The following FSTL5 variants were observed in gnomAD, a reference collection of about 807,000 sequenced individuals.
The protein encoded by FSTL5 is follistatin like 5.
FSTL5 carries 62 observed loss-of-function variants against 89.1 expected under a neutral mutation model. The observed-to-expected ratio is 0.70, with a 90% CI of 0.57 to 0.86. The LOEUF is 0.86. FSTL5 is among the 40% of genes least tolerant of loss of function. The probability of loss-of-function intolerance (pLI) is 0.00; values close to 1 mark genes in which losing one functional copy is unlikely to be tolerated. For synonymous variants in FSTL5, 383 were observed against 346.2 expected (o/e 1.11, Z -1.18); for missense variants, 1,057 against 1,001.6 (o/e 1.06, Z -0.75).
rs754612283 is a variant in FSTL5 at position 161,542,698 on chromosome 4, A to G, written c.1016-5T>C. 8.4e-6 allele frequency: 12 copies of G among 1,431,608 alleles called. No individual in the cohort carries two copies. Among genetic ancestry groups the G allele is most frequent in the Non-Finnish European group, 9.2e-6 (10 of 1,085,068 alleles). The allele number at this position is 1,431,608 out of a possible 1,614,324, so 88.7% of individuals were successfully genotyped here. On this transcript the variant is annotated splice_region_variant and splice_polypyrimidine_tract_variant and intron_variant, in intron 8 of 15. Coordinates refer to ENST00000306100, the MANE Select transcript of FSTL5 (RefSeq NM_020116.5). ...ACACCCGGATGACTGGAGGAACTAA[A>G]GGAAAAAATGAAAGAGAAAGTGAAT...
chr4:161,443,519 CA>C (rs1262621270), intron 15 of FSTL5, among the ~76,000 whole-genome samples: 1 of 151,822 alleles, frequency 6.6e-6, no homozygotes, highest in African/African-American at 2.4e-5. Flanking sequence ...AGCACTGTAG[CA>C]AAATAAGACA....
chr4:162,112,673 C>T (rs1173374747), intron 1 of FSTL5, among the ~76,000 whole-genome samples: 1 of 151,924 alleles, frequency 6.6e-6, no homozygotes, highest in Non-Finnish European at 1.5e-5. Context: ...ATATATACAT[C>T]ATTCCATCCA....
At chr4:161,863,407 T>C (rs1218091376) in intron 4 of FSTL5, among the ~76,000 whole-genome samples, 2 of 152,136 alleles carry the variant, frequency 1.3e-5, no homozygotes, top group Admixed American at 6.6e-5. Context: ...TTTATTCGGG[T>C]CATGGGGAAA....
At chr4:161,963,348 A>G (rs1330253810) in intron 3 of FSTL5, among the ~76,000 whole-genome samples, 1 of 151,930 alleles carries the variant, frequency 6.6e-6, no homozygotes, top group African/African-American at 2.4e-5. Context: ...GTTGGTTTTG[A>G]AGTTTTAAAA....
At chr4:161,828,700 A>C (rs1010196243) in intron 4 of FSTL5, among the ~76,000 whole-genome samples, 1 of 152,132 alleles carries the variant, frequency 6.6e-6, no homozygotes, top group African/African-American at 2.4e-5. Context: ...ACTTAGGCTA[A>C]GATTTAGTGA....
At chr4:161,783,657 T>TTC (rs1168213663) in intron 4 of FSTL5, among the ~76,000 whole-genome samples, 3 of 77,270 alleles carry the variant, frequency 3.9e-5, no homozygotes, top group Non-Finnish European at 5.5e-5. Flanking sequence ...CTCTCTTTCT[T>TTC]TCTTTCTCTT....
chr4:161,892,616 T>A lies in FSTL5; in HGVS notation c.409+27788A>T, dbSNP rs192967416. ...AGGTTTTCAAACTTGAAGAATCAAC[T>A]CCCAAACTAACTCAAAGTATTCCAT... is the stretch of plus-strand genomic sequence containing the variant. On this transcript the variant is annotated intron_variant, in intron 4 of 15. Coordinates refer to ENST00000306100, the MANE Select transcript of FSTL5 (RefSeq NM_020116.5). Among the ~76,000 whole-genome samples, 574 of 152,148 alleles carry A rather than the reference T, an allele frequency of 3.8e-3. 6 individuals are homozygous for A. Among genetic ancestry groups the A allele is most frequent in the Non-Finnish European group, 3.3e-3 (226 of 67,916 alleles).
intron 1 of FSTL5, among the ~76,000 whole-genome samples, chr4:162,116,941 G>A (rs1330268340): frequency 6.6e-6 from 1 of 152,106 alleles, no homozygotes; most frequent in African/African-American, 2.4e-5. Flanking sequence ...CAATTTTTCT[G>A]TATCTTTCTT....
At chr4:161,714,103 C>A (rs774107723) in intron 6 of FSTL5, among the ~76,000 whole-genome samples, 8 of 152,142 alleles carry the variant, frequency 5.3e-5, no homozygotes, top group Non-Finnish European at 8.8e-5. Flanking sequence ...TGGTCACTCA[C>A]ATTCTTACTT....
intron 8 of FSTL5, among the ~76,000 whole-genome samples, chr4:161,548,873 A>G (rs2126553446): frequency 6.6e-6 from 1 of 152,006 alleles, no homozygotes; most frequent in East Asian, 1.9e-4. Flanking sequence ...AATATATTAG[A>G]ACAAATGGTT....
At chr4:162,063,007 G>T (rs971745598) in intron 2 of FSTL5, among the ~76,000 whole-genome samples, 1 of 151,452 alleles carries the variant, frequency 6.6e-6, no homozygotes, top group Non-Finnish European at 1.5e-5. Context: ...ATTTTAAATT[G>T]TGCTTTTTTC....
intron 4 of FSTL5, among the ~76,000 whole-genome samples, chr4:161,842,967 A>G (rs547726253): frequency 5.5e-4 from 83 of 152,190 alleles, no homozygotes; most frequent in Non-Finnish European, 1.1e-3. Flanking sequence ...GCCCCACTAT[A>G]TTTTTTAACA....
intron 7 of FSTL5, among the ~76,000 whole-genome samples, chr4:161,655,802 T>C (rs958391749): frequency 1.8e-4 from 27 of 152,122 alleles, no homozygotes; most frequent in Non-Finnish European, 4.4e-5. Context: ...TAAACACATA[T>C]AAATATTATA....
rs183833280 is a variant in FSTL5, at chr4:162,026,603, T to G, written c.160+7022A>C. Reference sequence around the variant, plus strand: ...GATTATAGGCGTGAGCTTATATATATTTTTTTACAAACCTTCCACTAGAAA... The same window carrying G: ...GATTATAGGCGTGAGCTTATATATAGTTTTTTACAAACCTTCCACTAGAAA... On this transcript the variant is annotated intron_variant, in intron 3 of 15. Coordinates refer to ENST00000306100, the MANE Select transcript of FSTL5 (RefSeq NM_020116.5). 2.5e-3 allele frequency among the ~76,000 whole-genome samples: 375 copies of G among 152,132 alleles called. 1 individual carries two copies. The highest frequency in any genetic ancestry group is 8.6e-3 in the African/African-American group (359 of 41,538).
intron 6 of FSTL5, among the ~76,000 whole-genome samples, chr4:161,716,841 T>A (rs762076194): frequency 2.0e-5 from 3 of 152,068 alleles, no homozygotes; most frequent in Non-Finnish European, 4.4e-5. Context: ...CATGAATGAA[T>A]GAGATGATTG....
chr4:161,822,117 G>C (rs1730512577), intron 4 of FSTL5, among the ~76,000 whole-genome samples: 1 of 151,702 alleles, frequency 6.6e-6, no homozygotes, highest in African/African-American at 2.4e-5. Context: ...TTTCATTATG[G>C]CCATTCTTGC....
chr4:162,026,587 C>T (rs1345059328), intron 3 of FSTL5, among the ~76,000 whole-genome samples: 3 of 151,764 alleles, frequency 2.0e-5, no homozygotes, highest in African/African-American at 7.3e-5. Flanking sequence ...GGATTATAGG[C>T]GTGAGCTTAT....
intron 7 of FSTL5, among the ~76,000 whole-genome samples, chr4:161,588,038 G>A (rs1733677172): frequency 6.6e-6 from 1 of 152,058 alleles, no homozygotes; most frequent in South Asian, 2.1e-4. Flanking sequence ...GCTGTGTGTG[G>A]TGGCACACAC....
At chr4:162,087,638 A>C (rs1730373491) in intron 2 of FSTL5, among the ~76,000 whole-genome samples, 1 of 152,124 alleles carries the variant, frequency 6.6e-6, no homozygotes, top group African/African-American at 2.4e-5. Flanking sequence ...TTTGTGTAAT[A>C]AGCACAAGTT....
Sources: allele counts gnomAD v4.1 joint callset (sites outside exome capture counted in the v4.1 genomes callset), GRCh38; gene constraint gnomAD v4.1.1; transcripts MANE v1.5; gene names NCBI Gene and HGNC (gene_info 2026-07-23, HGNC 2026-07-21).